Variants in HERC4 observed in about 807,000 individuals in gnomAD.
HERC4 encodes the protein probable E3 ubiquitin-protein ligase HERC4.
In HERC4, 28 loss-of-function variants were observed where a neutral mutation model predicts 124.3. That is an observed-to-expected ratio of 0.23 (90% CI 0.17 to 0.31). The LOEUF (loss-of-function observed/expected upper bound fraction) is 0.31. HERC4 is among the 10% of genes least tolerant of loss of function. The probability of loss-of-function intolerance (pLI) is 1.00; values close to 1 mark genes in which losing one functional copy is unlikely to be tolerated. For missense variants in HERC4, 713 were observed against 1,229.3 expected, an observed-to-expected ratio of 0.58 and a Z score of 6.28; for synonymous variants, 407 against 421.5, an observed-to-expected ratio of 0.97 and a Z score of 0.42.
chr10:68,074,519 C>T (rs2041716050), intron 1 of HERC4: 1 of 152,214 alleles, frequency 6.6e-6, no homozygotes, highest in Middle Eastern at 3.2e-3. Flanking sequence ...CCACCCTTTT[C>T]TTTAAAACAC....
At chr10:67,948,299 T>C (rs2033538726) in intron 19 of HERC4, among the ~76,000 whole-genome samples, 1 of 151,482 alleles carries the variant, frequency 6.6e-6, no homozygotes, top group Non-Finnish European at 1.5e-5. Flanking sequence ...ATCCAGAATC[T>C]ACAAGGAACT....
At position 67,956,984 on chromosome 10, in the gene HERC4, T is replaced by A. The variant is rs984148538; in HGVS notation, c.1927-8A>T. ...AACAGGGATATCTGCCAACTGGAAA[T>A]AAAAAATTAACTTATTAGTACAAGT... On this transcript the variant is annotated splice_polypyrimidine_tract_variant and splice_region_variant and intron_variant, in intron 16 of 24. Coordinates refer to ENST00000373700, the MANE Select transcript of HERC4 (RefSeq NM_015601.4). The A allele has an allele frequency of 4.0e-6, 6 of 1,512,000 alleles. No homozygotes were observed. Among genetic ancestry groups the A allele is most frequent in the Non-Finnish European group, 5.4e-6 (6 of 1,118,150 alleles). The allele number at this position is 1,512,000 out of a possible 1,614,324, so 93.7% of individuals were successfully genotyped here.
intron 9 of HERC4, among the ~76,000 whole-genome samples, chr10:68,007,466 T>C (rs10997903): frequency 0.082 from 12,465 of 152,158 alleles, 961 homozygotes; most frequent in East Asian, 0.39. Flanking sequence ...TAGTGCCTTA[T>C]TTCATTGGTT....
intron 3 of HERC4, among the ~76,000 whole-genome samples, chr10:68,052,645 C>T (rs1284716983): frequency 6.6e-6 from 1 of 152,044 alleles, no homozygotes; most frequent in Non-Finnish European, 1.5e-5. Context: ...GTAAAAATAT[C>T]CTATGTCCTC....
At chr10:67,958,739 CTAATA>C (rs1300242827) in intron 16 of HERC4, among the ~76,000 whole-genome samples, 32 of 152,230 alleles carry the variant, frequency 2.1e-4, no homozygotes, top group Admixed American at 1.8e-3. Flanking sequence ...TTTTACTTCT[CTAATA>C]TAAAATGTTT....
intron 3 of HERC4, among the ~76,000 whole-genome samples, chr10:68,062,981 C>T (rs1407290104): frequency 2.6e-5 from 4 of 152,104 alleles, no homozygotes; most frequent in African/African-American, 9.7e-5. Flanking sequence ...ATTCTCAAGA[C>T]ATCTCAATTA....
chr10:68,039,528 A>C (rs765226804), intron 4 of HERC4: 37 of 1,548,900 alleles, frequency 2.4e-5, no homozygotes, highest in Non-Finnish European at 2.6e-6. Flanking sequence ...AAGGAGAGTT[A>C]CTCTGATTCC....
chr10:67,927,386 A>C, intron 23 of HERC4, among the ~76,000 whole-genome samples: 1 of 8,400 alleles, frequency 1.2e-4, no homozygotes, highest in Non-Finnish European at 2.2e-4. Context: ...CACCATATAT[A>C]TATATATATA....
chr10:67,926,767 G>A (rs780726941), intron 23 of HERC4, among the ~76,000 whole-genome samples: 14 of 152,216 alleles, frequency 9.2e-5, no homozygotes, highest in Non-Finnish European at 1.9e-4. Flanking sequence ...GGAGCTCACC[G>A]TCTAGTAAGA....
chr10:67,932,562 C>A lies in HERC4; in HGVS notation c.2838+35G>T, dbSNP rs749005251. The A allele has an allele frequency of 9.1e-5, 140 of 1,543,994 alleles. 6 individuals are homozygous for A. The South Asian group carries it at 1.6e-3, about 18-fold the overall frequency. On this transcript the variant is annotated intron_variant, in intron 23 of 24. Coordinates refer to ENST00000373700, the MANE Select transcript of HERC4 (RefSeq NM_015601.4). ...GCAAGATTTCCATATATAAATCTTTCCATTTAACAATATCAGAGATTAGTT... is the reference window on the plus strand; with the variant it reads ...GCAAGATTTCCATATATAAATCTTTACATTTAACAATATCAGAGATTAGTT...
chr10:67,945,053 A>G (rs2033218065), intron 19 of HERC4, among the ~76,000 whole-genome samples: 1 of 152,264 alleles, frequency 6.6e-6, no homozygotes, highest in African/African-American at 2.4e-5. Flanking sequence ...AGATAATAAC[A>G]GTGAACATCC....
At chr10:68,039,643 G>C in intron 4 of HERC4, 1 of 1,357,976 alleles carries the variant, frequency 7.4e-7, no homozygotes, top group Non-Finnish European at 9.5e-7. Flanking sequence ...AAATTAGCAG[G>C]ATCCAATGCA....
At position 68,032,817 on chromosome 10, in the gene HERC4, A is replaced by G. The variant is rs750488626; in HGVS notation, c.738T>C (p.Tyr246=). Residue 246 remains tyrosine, a synonymous_variant, in exon 7 of 25, where the codon TAT becomes TAC. Coordinates refer to ENST00000373700, the MANE Select transcript of HERC4 (RefSeq NM_015601.4). ...LKSLRSQKIV[Y]ICCGEDHTAA... is the part of the protein sequence containing the mutation. ...CAGTATGATCTTCTCCACAACAAAT[A>G]TAAACTATTTTCTGAGATCTTAGTG... 205 of 1,587,636 alleles carry G rather than the reference A, an allele frequency of 1.3e-4. No homozygotes were observed. Among genetic ancestry groups the G allele is most frequent in the Non-Finnish European group, 1.7e-4 (200 of 1,156,300 alleles).
chr10:68,015,489 A>C (rs1488363437), intron 8 of HERC4, among the ~76,000 whole-genome samples: 1 of 152,232 alleles, frequency 6.6e-6, no homozygotes, highest in Non-Finnish European at 1.5e-5. Flanking sequence ...AAATTCTTTC[A>C]GGGTAGCTCC....
chr10:68,005,925 C>A (rs2037517780), intron 9 of HERC4, among the ~76,000 whole-genome samples: 1 of 152,092 alleles, frequency 6.6e-6, no homozygotes, highest in Admixed American at 6.6e-5. Flanking sequence ...ATCTCAAACT[C>A]CTGGGCTCAA....
chr10:68,016,938 C>T (rs1423302232), intron 8 of HERC4, among the ~76,000 whole-genome samples: 2 of 152,120 alleles, frequency 1.3e-5, no homozygotes, highest in Admixed American at 1.3e-4. Flanking sequence ...ATTTGTGATA[C>T]TTCACAAAGG....
At chr10:67,932,511 TAAAATAA>T in intron 23 of HERC4, 79 bp downstream of exon 23, 1 of 1,174,866 alleles carries the variant, frequency 8.5e-7, no homozygotes, top group South Asian at 1.5e-5. Flanking sequence ...ATAAAGTGTA[TAAAATAA>T]AAAATAATAC....
chr10:68,053,163 T>C (rs189003738), intron 3 of HERC4, among the ~76,000 whole-genome samples: 64 of 152,302 alleles, frequency 4.2e-4, no homozygotes, highest in African/African-American at 1.1e-3. Context: ...TTAGCAAATA[T>C]TGAATCATTG....
chr10:67,927,902 A>G (rs2131989641), intron 23 of HERC4, among the ~76,000 whole-genome samples: 1 of 152,252 alleles, frequency 6.6e-6, no homozygotes, highest in East Asian at 1.9e-4. Context: ...GGGGGGAAGG[A>G]GCAACCTAAG....
Sources: allele counts gnomAD v4.1 joint callset (sites outside exome capture counted in the v4.1 genomes callset), GRCh38; gene constraint gnomAD v4.1.1; transcripts MANE v1.5; gene names NCBI Gene and HGNC (gene_info 2026-07-23, HGNC 2026-07-21).